FRMD6: variants seen among roughly 807,000 people sequenced by gnomAD.
FRMD6 encodes the protein FERM domain-containing protein 6.
A neutral mutation model predicts 73.2 loss-of-function variants in FRMD6; 37 were observed. The ratio of observed to expected loss-of-function variants is 0.51; its 90% CI spans 0.39 to 0.66. The LOEUF is 0.66. Among genes scored for constraint, FRMD6 ranks in the 30% least tolerant of loss-of-function variants. FRMD6 has a pLI of 0.00. For synonymous variants in FRMD6, 273 were observed against 282.2 expected (o/e 0.97, Z 0.33); for missense variants, 714 against 780.5 (o/e 0.91, Z 1.02).
chr14:51,639,983 A>C (rs1459229432), intron 2 of FRMD6, among the ~76,000 whole-genome samples: 2 of 152,212 alleles, frequency 1.3e-5, no homozygotes, highest in Non-Finnish European at 2.9e-5. Flanking sequence ...TGTATACATT[A>C]TTAGGTTGAT....
intron 1 of FRMD6, among the ~76,000 whole-genome samples, chr14:51,520,674 G>T (rs1055294552): frequency 6.6e-6 from 1 of 152,178 alleles, no homozygotes; most frequent in African/African-American, 2.4e-5. Flanking sequence ...GAGGCAGGTG[G>T]GTCCCTTGAG....
chr14:51,539,916 T>C (rs1304831429), intron 1 of FRMD6, among the ~76,000 whole-genome samples: 1 of 152,118 alleles, frequency 6.6e-6, no homozygotes, highest in East Asian at 1.9e-4. Context: ...CTAACAAAAA[T>C]AGGGAAATCC....
the FRMD6 span, among the ~76,000 whole-genome samples, chr14:51,440,429 T>C: frequency 6.6e-6 from 1 of 152,220 alleles, no homozygotes; most frequent in Non-Finnish European, 1.5e-5. Context: ...TTTGGTTATG[T>C]AAAGCTGGAA....
chr14:51,601,152 T>C (rs1890017857), intron 2 of FRMD6, among the ~76,000 whole-genome samples: 1 of 152,206 alleles, frequency 6.6e-6, no homozygotes, highest in Non-Finnish European at 1.5e-5. Flanking sequence ...GCATCCACTA[T>C]GCTTTGGGTA....
intron 1 of FRMD6, among the ~76,000 whole-genome samples, chr14:51,525,543 A>C (rs1885203910): frequency 6.6e-6 from 1 of 152,112 alleles, no homozygotes; most frequent in Non-Finnish European, 1.5e-5. Context: ...TCAGCCTCCC[A>C]AAGTGCTGGG....
chr14:51,450,457 C>G, the FRMD6 span, among the ~76,000 whole-genome samples: 1 of 152,088 alleles, frequency 6.6e-6, no homozygotes. Flanking sequence ...TAAGGAAAAA[C>G]AAATGCCTAG....
intron 2 of FRMD6, among the ~76,000 whole-genome samples, chr14:51,694,299 A>G (rs1393059468): frequency 6.6e-6 from 1 of 152,234 alleles, no homozygotes; most frequent in East Asian, 1.9e-4. Context: ...TGTCTTCACT[A>G]AGATTAAGCA....
the FRMD6 span, among the ~76,000 whole-genome samples, chr14:51,417,584 A>G: frequency 6.6e-6 from 1 of 151,904 alleles, no homozygotes; most frequent in Non-Finnish European, 1.5e-5. Flanking sequence ...TGCCCTTAAC[A>G]TTTTTTCCTT....
At chr14:51,604,817 G>A (rs369132905) in intron 2 of FRMD6, among the ~76,000 whole-genome samples, 2 of 152,040 alleles carry the variant, frequency 1.3e-5, no homozygotes, top group Admixed American at 6.6e-5. Flanking sequence ...CCCTCTCCAC[G>A]CCTCTGTACT....
At chr14:51,721,572 T>A (rs555519203) in intron 11 of FRMD6, among the ~76,000 whole-genome samples, 11 of 141,288 alleles carry the variant, frequency 7.8e-5, no homozygotes, top group Non-Finnish European at 1.4e-4. Context: ...ATCACACCAC[T>A]CCAGCCTGGT....
the FRMD6 span, among the ~76,000 whole-genome samples, chr14:51,437,447 CAA>C: frequency 7.2e-5 from 11 of 152,260 alleles, no homozygotes; most frequent in Admixed American, 2.0e-4. Context: ...GGACTACAGG[CAA>C]GCACCACCAC....
intron 1 of FRMD6, among the ~76,000 whole-genome samples, chr14:51,495,429 TA>T (rs1163312005): frequency 2.0e-5 from 3 of 152,064 alleles, no homozygotes; most frequent in Non-Finnish European, 2.9e-5. Flanking sequence ...AGCAGGGGAG[TA>T]TGGCCTCCAA....
At chr14:51,521,341 A>C (rs887493236) in intron 1 of FRMD6, among the ~76,000 whole-genome samples, 1 of 152,262 alleles carries the variant, frequency 6.6e-6, no homozygotes, top group African/African-American at 2.4e-5. Flanking sequence ...TTTATGTTAT[A>C]TACAAATTGT....
chr14:51,494,632 C>A (rs1203448934), intron 1 of FRMD6, among the ~76,000 whole-genome samples: 2 of 152,152 alleles, frequency 1.3e-5, no homozygotes, highest in African/African-American at 4.8e-5. Flanking sequence ...GAAATGCACA[C>A]CTGTGGCAAC....
intron 2 of FRMD6, among the ~76,000 whole-genome samples, chr14:51,639,032 G>A (rs531137871): frequency 1.3e-5 from 2 of 152,008 alleles, no homozygotes; most frequent in East Asian, 3.9e-4. Flanking sequence ...TCTCTGCTAA[G>A]AAAGTGGACA....
At chr14:51,512,356 T>C (rs1430709496) in intron 1 of FRMD6, among the ~76,000 whole-genome samples, 3 of 152,222 alleles carry the variant, frequency 2.0e-5, no homozygotes, top group African/African-American at 7.2e-5. Context: ...TAAAAGGAGT[T>C]AACCTAGTCT....
chr14:51,540,429 G>A (rs865976874), intron 1 of FRMD6, among the ~76,000 whole-genome samples: 1 of 152,106 alleles, frequency 6.6e-6, no homozygotes, highest in Non-Finnish European at 1.5e-5. Context: ...CCTTTTACCC[G>A]TGGTGAAATA....
At chr14:51,621,017 T>C (rs1478086641) in intron 2 of FRMD6, among the ~76,000 whole-genome samples, 1 of 152,262 alleles carries the variant, frequency 6.6e-6, no homozygotes, top group Non-Finnish European at 1.5e-5. Flanking sequence ...CTTTGTTTGC[T>C]GCAGTGGGGC....
chr14:51,539,031 C>A (rs1020334594), intron 1 of FRMD6, among the ~76,000 whole-genome samples: 5 of 151,964 alleles, frequency 3.3e-5, no homozygotes, highest in Non-Finnish European at 7.4e-5. Flanking sequence ...TATGGCAAAA[C>A]CTGGTTGGAC....
Sources: gnomAD v4.1 joint callset for allele counts (sites outside exome capture counted in the v4.1 genomes callset) on GRCh38, gnomAD v4.1.1 for gene constraint, MANE v1.5 for transcripts, NCBI Gene and HGNC (gene_info 2026-07-23, HGNC 2026-07-21) for gene names.